SEPTIN9: variants seen among roughly 807,000 people sequenced by gnomAD.
SEPTIN9 encodes septin-9.
SEPTIN9 carries 13 observed loss-of-function variants against 56.6 expected under a neutral mutation model. The observed-to-expected ratio is 0.23, with a 90% CI of 0.15 to 0.37. The LOEUF (loss-of-function observed/expected upper bound fraction) is 0.37, where lower values mean the gene tolerates loss of function less well. Among genes scored for constraint, SEPTIN9 ranks in the 10% least tolerant of loss-of-function variants. SEPTIN9 has a pLI of 1.00. For missense variants in SEPTIN9, 650 were observed against 823.1 expected (o/e 0.79, Z 2.57); for synonymous variants, 332 against 334.1 (o/e 0.99, Z 0.07).
chr17:77,307,069 G>C, intron 1 of SEPTIN9, 72 bp from the exon 2 acceptor site: 1 of 1,380,114 alleles, frequency 7.2e-7, no homozygotes. Flanking sequence ...GACATTCCTG[G>C]TGTTAATCAT....
At chr17:77,471,196 G>A (rs896529977) in intron 3 of SEPTIN9, among the ~76,000 whole-genome samples, 1 of 152,140 alleles carries the variant, frequency 6.6e-6, no homozygotes, top group Non-Finnish European at 1.5e-5. Flanking sequence ...AGTTGTGTGC[G>A]ATGTCTTTCT....
intron 8 of SEPTIN9, among the ~76,000 whole-genome samples, chr17:77,491,460 A>G (rs549880204): frequency 2.0e-5 from 3 of 151,452 alleles, no homozygotes; most frequent in South Asian, 2.1e-4. Context: ...AGCCTCCCAA[A>G]GTGCTGGGGT....
chr17:77,349,126 TC>T (rs1456586736), intron 2 of SEPTIN9, among the ~76,000 whole-genome samples: 1 of 152,098 alleles, frequency 6.6e-6, no homozygotes, highest in Non-Finnish European at 1.5e-5. Flanking sequence ...AGACAGAGTC[TC>T]ACTCTGTCTC....
Position 77,475,824 on chromosome 17 carries a change from C to G in SEPTIN9, c.722-6320C>G. The G allele has an allele frequency of 6.2e-7, 1 of 1,613,506 alleles. No homozygotes were observed. Among genetic ancestry groups the G allele is most frequent in the Non-Finnish European group, 8.5e-7 (1 of 1,179,890 alleles). ...ACCGGCTCCCCTGCCGTGGCCTGGT[C>G]AGTGGCTTCACAGGCCTCCGTGGGC... On this transcript the variant is annotated intron_variant, in intron 3 of 11. Transcript: ENST00000427177. The surrounding 1 kb of genome is among the most constrained non-coding windows in gnomAD (Gnocchi z 4.6).
In SEPTIN9 at chr17:77,289,960, A is replaced by G. The variant is rs144340166; in HGVS notation, c.19+8406A>G. 2.0e-5 allele frequency among the ~76,000 whole-genome samples: 3 copies of G among 151,008 alleles called. No individual in the cohort carries two copies. The East Asian group carries it at 5.8e-4, about 29-fold the overall frequency. On this transcript the variant is annotated intron_variant, in intron 1 of 11. Transcript: ENST00000427177. ...AATTATGAAAGGCGTATATTTTCAG[A>G]GTTTTATACTCCCCATAGAATGAAT...
At position 77,351,228 on chromosome 17, in the gene SEPTIN9, AACACACACACACACACAC is replaced by A. The variant is rs10537405; in HGVS notation, c.76+44056_76+44073del. ...CGCAGGCACATGTGCGCGTGCACAC[AACACACACACACACACAC>A]ACACACACACACACACACACACACG... is the stretch of plus-strand genomic sequence containing the variant. On this transcript the variant is annotated intron_variant, in intron 2 of 11. Coordinates refer to ENST00000427177, the MANE Select transcript of SEPTIN9 (RefSeq NM_001113491.2). Among the ~76,000 whole-genome samples, 495 of 144,760 alleles carry A rather than the reference AACACACACACACACACAC, an allele frequency of 3.4e-3. 4 individuals carry two copies. The highest frequency in any genetic ancestry group is 0.012 in the African/African-American group (461 of 39,344). 95.0% of individuals were successfully genotyped at this position (144,760 alleles called of 152,430 possible).
chr17:77,304,287 G>A (rs772937508), intron 1 of SEPTIN9, among the ~76,000 whole-genome samples: 3 of 152,170 alleles, frequency 2.0e-5, no homozygotes. Flanking sequence ...TTTGCTTTGC[G>A]TCTTCTCTGT....
At chr17:77,393,911 C>A (rs1598302205) in intron 2 of SEPTIN9, among the ~76,000 whole-genome samples, 1 of 152,144 alleles carries the variant, frequency 6.6e-6, no homozygotes, top group African/African-American at 2.4e-5. Context: ...TACCCCATCA[C>A]CTCCTACAGC....
At chr17:77,490,977 A>C in intron 8 of SEPTIN9, 118 bp downstream of exon 8, 1 of 825,964 alleles carries the variant, frequency 1.2e-6, no homozygotes, top group Admixed American at 2.1e-5. Flanking sequence ...ACCGCTGGTC[A>C]CTCTCCCCAG....
Position 77,445,355 on chromosome 17 carries a change from A to T in SEPTIN9, c.722-36789A>T. ...GGAGGGATATTGCTCTTGGCATTTG[A>T]TGGGAAGCATCTGCTGCATCCCATT... On this transcript the variant is annotated intron_variant, in intron 3 of 11. Coordinates refer to ENST00000427177, the MANE Select transcript of SEPTIN9 (RefSeq NM_001113491.2). This position sits in a 1 kb window ranked among gnomAD's most constrained non-coding sequence, Gnocchi z 4.7. The T allele has an allele frequency of 2.2e-6, 1 of 464,808 alleles. No homozygotes were observed. The highest frequency in any genetic ancestry group is 4.4e-6 in the Non-Finnish European group (1 of 227,030). 28.8% of individuals were successfully genotyped at this position (464,808 alleles called of 1,614,324 possible).
In SEPTIN9 at chr17:77,498,780, C is replaced by A; in HGVS notation, c.*122C>A. ...CATTTGTCATCGTTCCCCACCCCTT[C>A]GACATGCTGCCAGGAAACAAGGGAA... On this transcript the variant is annotated 3_prime_UTR_variant, in exon 12 of 12. Coordinates refer to ENST00000427177, the MANE Select transcript of SEPTIN9 (RefSeq NM_001113491.2). 1.5e-6 allele frequency: 1 copy of A among 649,450 alleles called. No homozygotes were observed. Among genetic ancestry groups the A allele is most frequent in the Non-Finnish European group, 2.7e-6 (1 of 367,212 alleles). The allele number at this position is 649,450 out of a possible 1,614,324, so 40.2% of individuals were successfully genotyped here. A position where few individuals can be genotyped will look rare whatever the true frequency, so the allele number is the denominator to read the frequency against.
rs964356576 is a variant in SEPTIN9 at position 77,498,622 on chromosome 17, C to T, written c.1725C>T (p.Gly575=). The stretch of plus-strand genomic sequence containing the variant: ...AGGGCAGCAGCGCCATGGCCAACGG[C>T]ATGGAGGAGAAGGAGCCAGAAGCCC... ...LNEGSSAMAN[G]MEEKEPEAPE... Residue 575 remains glycine, a synonymous_variant, in exon 12 of 12, where the codon GGC becomes GGT. Transcript: ENST00000427177. 13 of 1,610,506 alleles carry T rather than the reference C, an allele frequency of 8.1e-6. No homozygotes were observed. Among genetic ancestry groups the T allele is most frequent in the Admixed American group, 1.7e-5 (1 of 59,812 alleles).
At chr17:77,352,343 G>A (rs1486260022) in intron 2 of SEPTIN9, among the ~76,000 whole-genome samples, 2 of 152,058 alleles carry the variant, frequency 1.3e-5, no homozygotes, top group Non-Finnish European at 2.9e-5. Context: ...GGAGGTGGAG[G>A]TTGCAGTGAG....
chr17:77,335,319 C>T (rs1598209855), intron 2 of SEPTIN9, among the ~76,000 whole-genome samples: 1 of 150,136 alleles, frequency 6.7e-6, no homozygotes, highest in East Asian at 2.0e-4. Context: ...TACATGTAGG[C>T]CCCATGTTGA....
At chr17:77,468,837 G>A (rs2038858860) in intron 3 of SEPTIN9, among the ~76,000 whole-genome samples, 1 of 148,396 alleles carries the variant, frequency 6.7e-6, no homozygotes. Flanking sequence ...GATGTGTTGG[G>A]TTAACATTGA....
chr17:77,495,099 A>G (rs932158614), intron 10 of SEPTIN9, among the ~76,000 whole-genome samples: 1 of 152,164 alleles, frequency 6.6e-6, no homozygotes, highest in Non-Finnish European at 1.5e-5. Context: ...CGGCTTTGCT[A>G]TGGGCGTGCC....
At chr17:77,360,696 C>T (rs952369448) in intron 2 of SEPTIN9, among the ~76,000 whole-genome samples, 1 of 152,134 alleles carries the variant, frequency 6.6e-6, no homozygotes, top group African/African-American at 2.4e-5. Context: ...TCCAGAATAG[C>T]TGGGACTACA....
chr17:77,439,039 C>T (rs1010564529), intron 3 of SEPTIN9, among the ~76,000 whole-genome samples: 4 of 152,108 alleles, frequency 2.6e-5, no homozygotes, highest in African/African-American at 7.2e-5. Flanking sequence ...TGTTTTAACA[C>T]TTAGAATTCT....
At position 77,487,868 on chromosome 17, in the gene SEPTIN9, G is replaced by C. The variant is rs144499645; in HGVS notation, c.1042+316G>C. On this transcript the variant is annotated intron_variant, in intron 5 of 11. Transcript: ENST00000427177. This position sits in a 1 kb window ranked among gnomAD's most constrained non-coding sequence, Gnocchi z 4.3. ...CCATGCCTTCCTGGAGCACTGGTGCGGTGTGAGGGTGCCCGAGTCAGGCAA... is the reference window on the plus strand; with the variant it reads ...CCATGCCTTCCTGGAGCACTGGTGCCGTGTGAGGGTGCCCGAGTCAGGCAA... 6.6e-6 allele frequency among the ~76,000 whole-genome samples: 1 copy of C among 152,158 alleles called. No homozygotes were observed. Among genetic ancestry groups the C allele is most frequent in the Admixed American group, 6.5e-5 (1 of 15,286 alleles).
Sources: gnomAD v4.1 joint callset for allele counts (sites outside exome capture counted in the v4.1 genomes callset) on GRCh38, gnomAD v4.1.1 for gene constraint, Gnocchi (gnomAD v3.1) non-coding constraint, MANE v1.5 for transcripts, NCBI Gene and HGNC (gene_info 2026-07-23, HGNC 2026-07-21) for gene names.